The following CHD8 variants were observed in gnomAD, a reference collection of about 807,000 sequenced individuals.
CHD8 encodes the protein chromodomain helicase DNA binding protein 8.
A neutral mutation model predicts 279.2 loss-of-function variants in CHD8; 31 were observed. The observed-to-expected ratio is 0.11, with a 90% CI of 0.08 to 0.15. The LOEUF (loss-of-function observed/expected upper bound fraction) is 0.15, where lower values mean the gene tolerates loss of function less well. CHD8 is among the 10% of genes least tolerant of loss of function. The pLI is 1.00. For synonymous variants in CHD8, 1,081 were observed against 1,139.6 expected (o/e 0.95, Z 1.04); for missense variants, 2,146 against 3,230.5 (o/e 0.66, Z 8.14).
intron 25 of CHD8, 53 bp downstream of exon 25, chr14:21,399,928 T>A: frequency 1.4e-6 from 2 of 1,420,756 alleles, no homozygotes; most frequent in South Asian, 2.3e-5. Flanking sequence ...AGCAAACCAA[T>A]CTTCCCTCAA....
intron 1 of CHD8, among the ~76,000 whole-genome samples, chr14:21,444,662 C>T (rs2139567103): frequency 6.6e-6 from 1 of 152,208 alleles, no homozygotes; most frequent in East Asian, 1.9e-4. Context: ...TACAGGACAC[C>T]ACACTTTTCA....
intron 1 of CHD8, among the ~76,000 whole-genome samples, chr14:21,443,011 A>C (rs1003582787): frequency 3.9e-5 from 6 of 152,218 alleles, no homozygotes; most frequent in African/African-American, 1.2e-4. Flanking sequence ...CAAGGTTGAA[A>C]GAAAACTTCA....
Position 21,400,702 on chromosome 14 carries a change from A to T in CHD8, c.4371-90T>A. The T allele has an allele frequency of 7.5e-7, 1 of 1,332,940 alleles. No individual in the cohort carries two copies. Among genetic ancestry groups the T allele is most frequent in the Non-Finnish European group, 1.0e-6 (1 of 989,194 alleles). The allele number at this position is 1,332,940 out of a possible 1,614,324, so 82.6% of individuals were successfully genotyped here. A position where few individuals can be genotyped will look rare whatever the true frequency, so the allele number is the denominator to read the frequency against. On this transcript the variant is annotated intron_variant, in intron 22 of 37. Coordinates refer to ENST00000646647, the MANE Select transcript of CHD8 (RefSeq NM_001170629.2). This position sits in a 1 kb window ranked among gnomAD's most constrained non-coding sequence, Gnocchi z 4.2. ...ATGTCTCTGAAAAGGTGTGAAACAA[A>T]GATCTTAAAAAACATGGTAACAGAA...
chr14:21,440,852 AG>A (rs972965072), intron 1 of CHD8, among the ~76,000 whole-genome samples: 20 of 152,254 alleles, frequency 1.3e-4, no homozygotes, highest in African/African-American at 4.8e-4. Context: ...CTCTGGCTCT[AG>A]GGGGTGAGAG....
chr14:21,437,343 G>A (rs1381658839), intron 1 of CHD8: 3 of 907,292 alleles, frequency 3.3e-6, no homozygotes, highest in South Asian at 2.3e-5. Context: ...GCGAAAAGAC[G>A]CAAAACAGCG....
At chr14:21,407,827 T>G (rs1888318073) in intron 13 of CHD8, among the ~76,000 whole-genome samples, 1 of 152,106 alleles carries the variant, frequency 6.6e-6, no homozygotes, top group Non-Finnish European at 1.5e-5. Flanking sequence ...CAGGCTGGTC[T>G]AGAACTCCCG....
intron 2 of CHD8, 179 bp from the exon 3 acceptor site, chr14:21,429,514 A>C (rs1181550942): frequency 1.3e-6 from 1 of 776,312 alleles, no homozygotes; most frequent in Non-Finnish European, 2.3e-6. Flanking sequence ...ATTTTTAGAC[A>C]GGGTCTCGCT....
chr14:21,418,077 GA>G lies in CHD8; in HGVS notation c.1717-2171del, dbSNP rs199775810. Among the ~76,000 whole-genome samples the G allele has an allele frequency of 2.2e-3, 332 of 151,526 alleles. 3 individuals are homozygous for G. The highest frequency in any genetic ancestry group is 7.2e-3 in the African/African-American group (298 of 41,294). On this transcript the variant is annotated intron_variant, in intron 5 of 37. Transcript: ENST00000646647. ...ATTCATAAAGTCAAATATTACTGAA[GA>G]AAAAAATAAACTACTCATTTATTTA...
In CHD8 at chr14:21,385,491, T is replaced by G; in HGVS notation, c.*122A>C. ...GTACATTTTTTTTTTTTTTTCCTTT[T>G]CACCTCCTGGAGTCCTGGACTTCCC... On this transcript the variant is annotated 3_prime_UTR_variant, in exon 38 of 38. Transcript: ENST00000646647. 1 of 1,389,320 alleles carries G rather than the reference T, an allele frequency of 7.2e-7. No individual in the cohort carries two copies. Among genetic ancestry groups the G allele is most frequent in the Non-Finnish European group, 9.4e-7 (1 of 1,066,870 alleles). The allele number at this position is 1,389,320 out of a possible 1,614,324, so 86.1% of individuals were successfully genotyped here.
intron 16 of CHD8, chr14:21,404,894 T>TA: frequency 5.3e-4 from 154 of 293,082 alleles, no homozygotes; most frequent in South Asian, 2.0e-3. Flanking sequence ...TGCAGTGGTG[T>TA]GATCTCGGCT....
chr14:21,407,394 T>C (rs1332610571), intron 13 of CHD8, among the ~76,000 whole-genome samples: 1 of 151,592 alleles, frequency 6.6e-6, no homozygotes, highest in Non-Finnish European at 1.5e-5. Flanking sequence ...AAAATGAAAA[T>C]AGCTAATACA....
In CHD8 at chr14:21,387,638, C is replaced by CAA. The variant is rs34278173; in HGVS notation, c.7183-1464_7183-1463dup. Reference sequence around the variant, plus strand: ...GGACAACAAGAGTGAAACTCTGTATCAAAAAAAAAAAAAAAAAAAAAGCTG... The same window carrying CAA: ...GGACAACAAGAGTGAAACTCTGTATCAAAAAAAAAAAAAAAAAAAAAAAGCTG... On this transcript the variant is annotated intron_variant, in intron 37 of 37. Coordinates refer to ENST00000646647, the MANE Select transcript of CHD8 (RefSeq NM_001170629.2). Among the ~76,000 whole-genome samples, 373 of 68,460 alleles carry CAA rather than the reference C, an allele frequency of 5.4e-3. 7 individuals are homozygous for CAA. Among genetic ancestry groups the CAA allele is most frequent in the East Asian group, 0.013 (29 of 2,162 alleles). The allele number at this position is 68,460 out of a possible 152,430, so 44.9% of individuals were successfully genotyped here.
chr14:21,451,861 T>G (rs531047081), intron 1 of CHD8, among the ~76,000 whole-genome samples: 4 of 152,266 alleles, frequency 2.6e-5, no homozygotes, highest in Admixed American at 2.0e-4. Flanking sequence ...ATGAGAAACG[T>G]CAGAGATTAA....
intron 2 of CHD8, 123 bp downstream of exon 2, chr14:21,430,678 T>C (rs1345455256): frequency 1.7e-5 from 11 of 657,932 alleles, no homozygotes; most frequent in Non-Finnish European, 2.6e-5. Context: ...CACTAACTGA[T>C]AAAAACCAAA....
intron 37 of CHD8, among the ~76,000 whole-genome samples, chr14:21,387,869 CTA>C (rs1023373521): frequency 6.7e-6 from 1 of 148,342 alleles, no homozygotes; most frequent in Non-Finnish European, 1.5e-5. Context: ...CTGTGATTTT[CTA>C]TGATATTTCT....
At chr14:21,418,808 G>A (rs1168058997) in intron 5 of CHD8, among the ~76,000 whole-genome samples, 1 of 152,176 alleles carries the variant, frequency 6.6e-6, no homozygotes, top group Non-Finnish European at 1.5e-5. Flanking sequence ...GCGACACAGG[G>A]AGACTCCGTC....
intron 5 of CHD8, among the ~76,000 whole-genome samples, chr14:21,423,042 C>T (rs1288518452): frequency 4.0e-5 from 6 of 151,764 alleles, no homozygotes; most frequent in African/African-American, 9.7e-5. Context: ...GCCAACATGG[C>T]GAAACCCTGT....
chr14:21,427,902 C>A lies in CHD8; in HGVS notation c.1568G>T (p.Gly523Val). The A allele has an allele frequency of 2.5e-6, 4 of 1,614,072 alleles. No homozygotes were observed. Among genetic ancestry groups the A allele is most frequent in the Non-Finnish European group, 2.5e-6 (3 of 1,179,914 alleles). ...GCTCTTGCCCTTTGTTTTGGAGGCA[C>A]CAGATGTTTTACTCTTCTTTGGCTT... is the stretch of plus-strand genomic sequence containing the variant. ...EEKPKKSKTS[G>V]ASKTKGKSKL... The change falls in exon 4 of 38, where the codon GGT becomes GTT. Residue 523 changes from glycine to valine, a missense_variant. Coordinates refer to ENST00000646647, the MANE Select transcript of CHD8 (RefSeq NM_001170629.2).
At position 21,400,637 on chromosome 14, in the gene CHD8, C is replaced by A; in HGVS notation, c.4371-25G>T. The A allele has an allele frequency of 6.5e-7, 1 of 1,538,602 alleles. No homozygotes were observed. Among genetic ancestry groups the A allele is most frequent in the Non-Finnish European group, 8.7e-7 (1 of 1,148,790 alleles). ...ACTAAAAAACAGAAAACTATATTAA[C>A]ATTTTTCTGAGAAATGACAGTCCCC... On this transcript the variant is annotated intron_variant, in intron 22 of 37. Transcript: ENST00000646647. The surrounding 1 kb of genome is among the most constrained non-coding windows in gnomAD (Gnocchi z 4.2).
Sources: allele counts gnomAD v4.1 joint callset (sites outside exome capture counted in the v4.1 genomes callset), GRCh38; gene constraint gnomAD v4.1.1; non-coding constraint Gnocchi (gnomAD v3.1); transcripts MANE v1.5; gene names NCBI Gene and HGNC (gene_info 2026-07-23, HGNC 2026-07-21).